KLHL1: variants seen among roughly 807,000 people sequenced by gnomAD.
The protein encoded by KLHL1 is kelch-like protein 1.
A neutral mutation model predicts 77.7 loss-of-function variants in KLHL1; 47 were observed. The observed-to-expected ratio is 0.60, with a 90% CI of 0.48 to 0.77. The LOEUF is 0.77. Among genes scored for constraint, KLHL1 ranks in the 30% least tolerant of loss-of-function variants. The pLI is 0.00. For missense variants in KLHL1, 925 were observed against 910.8 expected (o/e 1.02, Z -0.20); for synonymous variants, 360 against 325.2 (o/e 1.11, Z -1.15).
chr13:69,791,439 TA>T (rs1404416504), intron 7 of KLHL1, among the ~76,000 whole-genome samples: 3 of 151,960 alleles, frequency 2.0e-5, no homozygotes, highest in African/African-American at 7.2e-5. Flanking sequence ...TGATCTTTTT[TA>T]AAAAAATATG....
intron 4 of KLHL1, among the ~76,000 whole-genome samples, chr13:69,913,210 G>C (rs1882299293): frequency 6.6e-6 from 1 of 151,972 alleles, no homozygotes; most frequent in South Asian, 2.1e-4. Flanking sequence ...CTTCAAACTG[G>C]ACTCCAAGTC....
intron 6 of KLHL1, among the ~76,000 whole-genome samples, chr13:69,804,801 C>T (rs981879547): frequency 6.6e-6 from 1 of 151,984 alleles, no homozygotes; most frequent in Admixed American, 6.6e-5. Flanking sequence ...ACCTTGATGC[C>T]ATCAAATCAT....
At chr13:69,956,503 TAGTC>T (rs1040020559) in intron 3 of KLHL1, among the ~76,000 whole-genome samples, 1 of 151,430 alleles carries the variant, frequency 6.6e-6, no homozygotes, top group Admixed American at 6.6e-5. Flanking sequence ...AGCAATATGA[TAGTC>T]AGTTTAAGCT....
At chr13:69,785,196 A>G (rs1170480434) in intron 7 of KLHL1, among the ~76,000 whole-genome samples, 1 of 152,052 alleles carries the variant, frequency 6.6e-6, no homozygotes, top group Admixed American at 6.6e-5. Context: ...CCGGCCCAGA[A>G]TATACATTTT....
At chr13:69,752,899 G>A (rs1874549095) in intron 7 of KLHL1, among the ~76,000 whole-genome samples, 1 of 152,166 alleles carries the variant, frequency 6.6e-6, no homozygotes, top group Non-Finnish European at 1.5e-5. Flanking sequence ...ATCCACTGCT[G>A]CCTTTGCACC....
chr13:69,943,610 T>C (rs1015471610), intron 3 of KLHL1, among the ~76,000 whole-genome samples: 2 of 152,112 alleles, frequency 1.3e-5, no homozygotes, highest in African/African-American at 4.8e-5. Context: ...ATTCTATAGG[T>C]TACAGAAACC....
intron 7 of KLHL1, among the ~76,000 whole-genome samples, chr13:69,741,899 C>A (rs1874004766): frequency 6.6e-6 from 1 of 152,154 alleles, no homozygotes; most frequent in South Asian, 2.1e-4. Context: ...TGGTACCTTG[C>A]TGCAAGCTAT....
intron 4 of KLHL1, chr13:69,894,040 C>A (rs1484949247): frequency 6.6e-6 from 1 of 152,340 alleles, no homozygotes; most frequent in Non-Finnish European, 1.5e-5. Context: ...GTTAGGAAAT[C>A]TCCCAACCGT....
Position 70,107,800 on chromosome 13 carries a change from G to C in KLHL1, c.-101C>G. On this transcript the variant is annotated 5_prime_UTR_variant, in exon 1 of 11. The change creates a new upstream start codon in the 5' untranslated region. Coordinates refer to ENST00000377844, the MANE Select transcript of KLHL1 (RefSeq NM_020866.3). Reference sequence around the variant, plus strand: ...GGCCCGGGGGCGGAGGAAGAGGCGGGATGCGCCCTCTGCACCCCTAGAGCC... The same window carrying C: ...GGCCCGGGGGCGGAGGAAGAGGCGGCATGCGCCCTCTGCACCCCTAGAGCC... The C allele has an allele frequency of 1.1e-6, 1 of 889,902 alleles. No homozygotes were observed. The allele number at this position is 889,902 out of a possible 1,614,324, so 55.1% of individuals were successfully genotyped here. A position where few individuals can be genotyped will look rare whatever the true frequency, so the allele number is the denominator to read the frequency against.
intron 1 of KLHL1, among the ~76,000 whole-genome samples, chr13:70,097,239 G>A (rs1246712514): frequency 2.6e-5 from 4 of 151,984 alleles, no homozygotes; most frequent in Non-Finnish European, 4.4e-5. Flanking sequence ...ACAAATGTGA[G>A]TCCTATAAGG....
intron 7 of KLHL1, among the ~76,000 whole-genome samples, chr13:69,744,094 C>T (rs74090440): frequency 0.047 from 7,144 of 151,996 alleles, 521 homozygotes; most frequent in African/African-American, 0.15. Flanking sequence ...CTTTTAAAGT[C>T]GTAGTCCTAG....
intron 4 of KLHL1, among the ~76,000 whole-genome samples, chr13:69,927,247 C>T (rs530848758): frequency 6.6e-6 from 1 of 152,110 alleles, no homozygotes; most frequent in East Asian, 1.9e-4. Flanking sequence ...TTACTTCACA[C>T]CATATAAAAA....
intron 1 of KLHL1, among the ~76,000 whole-genome samples, chr13:69,985,479 G>GA (rs796083477): frequency 1.3e-5 from 2 of 151,504 alleles, no homozygotes; most frequent in African/African-American, 2.4e-5. Context: ...TTATCAAAAA[G>GA]AAAAAAATAT....
At chr13:69,751,803 T>C (rs912536285) in intron 7 of KLHL1, among the ~76,000 whole-genome samples, 1 of 152,098 alleles carries the variant, frequency 6.6e-6, no homozygotes, top group Non-Finnish European at 1.5e-5. Context: ...TGAGAATAGA[T>C]GTGGCCATGC....
At chr13:69,885,951 T>C (rs1027922593) in intron 4 of KLHL1, among the ~76,000 whole-genome samples, 2 of 152,096 alleles carry the variant, frequency 1.3e-5, no homozygotes, top group African/African-American at 4.8e-5. Context: ...TTCTGGCCAG[T>C]GAAAACCATA....
At chr13:69,778,935 A>G (rs1875979860) in intron 7 of KLHL1, among the ~76,000 whole-genome samples, 1 of 150,736 alleles carries the variant, frequency 6.6e-6, no homozygotes, top group African/African-American at 2.4e-5. Flanking sequence ...AGTAGTTGGG[A>G]CTACAGGCAC....
rs765402302 is a variant in KLHL1 at position 69,882,267 on chromosome 13, C to CG, written c.1227+15dup. Reference sequence around the variant, plus strand: ...CAGTACATTGAATCTATTTAAACAGCGTCACACATCATTACCTGTGGTGGA... The same window carrying CG: ...CAGTACATTGAATCTATTTAAACAGCGGTCACACATCATTACCTGTGGTGGA... On this transcript the variant is annotated intron_variant, in intron 5 of 10. Coordinates refer to ENST00000377844, the MANE Select transcript of KLHL1 (RefSeq NM_020866.3). 11 of 1,555,626 alleles carry CG rather than the reference C, an allele frequency of 7.1e-6. No homozygotes were observed. In the South Asian group the frequency reaches 1.2e-4, roughly 17 times the overall value.
At chr13:69,879,171 T>C (rs1880885035) in intron 5 of KLHL1, among the ~76,000 whole-genome samples, 1 of 152,148 alleles carries the variant, frequency 6.6e-6, no homozygotes, top group Non-Finnish European at 1.5e-5. Flanking sequence ...AACCTGCACG[T>C]TGTGCACATG....
chr13:69,925,981 C>T (rs1367756789), intron 4 of KLHL1, among the ~76,000 whole-genome samples: 4 of 152,190 alleles, frequency 2.6e-5, no homozygotes, highest in East Asian at 3.8e-4. Flanking sequence ...TAATCAAATA[C>T]AATACATATG....
Sources: allele counts gnomAD v4.1 joint callset (sites outside exome capture counted in the v4.1 genomes callset), GRCh38; gene constraint gnomAD v4.1.1; transcripts MANE v1.5; gene names NCBI Gene and HGNC (gene_info 2026-07-23, HGNC 2026-07-21).